CNTNAP5: variants seen among roughly 807,000 people sequenced by gnomAD.
CNTNAP5 encodes contactin associated protein family member 5.
CNTNAP5 carries 72 observed loss-of-function variants against 150.2 expected under a neutral mutation model. That is an observed-to-expected ratio of 0.48 (90% CI 0.40 to 0.58). The LOEUF (loss-of-function observed/expected upper bound fraction) is 0.58. CNTNAP5 is among the 20% of genes least tolerant of loss of function. The pLI, the probability that CNTNAP5 is intolerant of heterozygous loss-of-function variation, is 0.00. For missense variants in CNTNAP5, 1,636 were observed against 1,626.2 expected, an observed-to-expected ratio of 1.01 and a Z score of -0.10; for synonymous variants, 672 against 619.8, an observed-to-expected ratio of 1.08 and a Z score of -1.25.
At chr2:124,131,139 T>C (rs78169197) in intron 1 of CNTNAP5, among the ~76,000 whole-genome samples, 12,910 of 152,270 alleles carry the variant, frequency 0.085, 733 homozygotes, top group Non-Finnish European at 0.13. Context: ...ACTTGGGTTA[T>C]TGTACTGACC....
chr2:124,791,095 CT>C (rs1186035710), intron 18 of CNTNAP5, among the ~76,000 whole-genome samples: 1 of 152,124 alleles, frequency 6.6e-6, no homozygotes, highest in African/African-American at 2.4e-5. Context: ...ATAAATAATT[CT>C]TCTCAATTCA....
chr2:124,912,702 A>T (rs1327415591), intron 23 of CNTNAP5, among the ~76,000 whole-genome samples: 1 of 152,094 alleles, frequency 6.6e-6, no homozygotes, highest in Non-Finnish European at 1.5e-5. Flanking sequence ...GGAAAAAGAA[A>T]GACTTTTGTG....
chr2:124,811,867 G>A (rs544688942), intron 19 of CNTNAP5, among the ~76,000 whole-genome samples: 7 of 145,558 alleles, frequency 4.8e-5, no homozygotes, highest in East Asian at 4.0e-4. Context: ...GCTTGAACCC[G>A]GGAGGCAGAG....
intron 14 of CNTNAP5, among the ~76,000 whole-genome samples, chr2:124,749,662 C>T (rs1478301739): frequency 6.6e-6 from 1 of 152,164 alleles, no homozygotes; most frequent in Non-Finnish European, 1.5e-5. Flanking sequence ...GATTCTCCTG[C>T]CTCGACCTCC....
At chr2:124,171,409 A>ACCACAAAC (rs1684928572) in intron 1 of CNTNAP5, among the ~76,000 whole-genome samples, 1 of 152,164 alleles carries the variant, frequency 6.6e-6, no homozygotes, top group Admixed American at 6.5e-5. Context: ...AACCCTCAGC[A>ACCACAAAC]CGTTGCTAAT....
At chr2:124,073,959 A>T (rs1242012996) in intron 1 of CNTNAP5, among the ~76,000 whole-genome samples, 1 of 152,118 alleles carries the variant, frequency 6.6e-6, no homozygotes, top group Non-Finnish European at 1.5e-5. Context: ...ACAGATGAAT[A>T]GATGAAGAAA....
intron 3 of CNTNAP5, among the ~76,000 whole-genome samples, chr2:124,365,794 T>C (rs1350475076): frequency 1.3e-5 from 2 of 152,240 alleles, no homozygotes; most frequent in Admixed American, 6.5e-5. Flanking sequence ...ACCCGTTTCA[T>C]AACAGTATGT....
intron 3 of CNTNAP5, among the ~76,000 whole-genome samples, chr2:124,295,128 CCAAACAAA>C (rs57566535): frequency 4.9e-4 from 74 of 150,602 alleles, no homozygotes; most frequent in African/African-American, 1.6e-3. Flanking sequence ...ACAACCACCA[CCAAACAAA>C]CAAACAAACA....
intron 1 of CNTNAP5, among the ~76,000 whole-genome samples, chr2:124,202,566 C>T (rs1367582728): frequency 6.6e-6 from 1 of 152,152 alleles, no homozygotes; most frequent in Non-Finnish European, 1.5e-5. Context: ...CGTTTTTATA[C>T]TGCTATGAAG....
chr2:124,137,901 GA>G (rs1483642025), intron 1 of CNTNAP5, among the ~76,000 whole-genome samples: 1 of 152,102 alleles, frequency 6.6e-6, no homozygotes, highest in Non-Finnish European at 1.5e-5. Context: ...AAATTCAGAA[GA>G]AAAGCCAAGG....
chr2:124,383,445 G>A (rs963998634), intron 3 of CNTNAP5, among the ~76,000 whole-genome samples: 8 of 152,096 alleles, frequency 5.3e-5, no homozygotes, highest in Non-Finnish European at 1.0e-4. Flanking sequence ...AACCTTTCCT[G>A]TTAACCGCAG....
intron 19 of CNTNAP5, among the ~76,000 whole-genome samples, chr2:124,860,077 T>G (rs564824596): frequency 6.6e-6 from 1 of 151,356 alleles, no homozygotes; most frequent in South Asian, 2.1e-4. Context: ...ATAGGCCTGG[T>G]GTGGTGACTC....
chr2:124,343,582 A>T (rs527633530), intron 3 of CNTNAP5, among the ~76,000 whole-genome samples: 1 of 152,202 alleles, frequency 6.6e-6, no homozygotes, highest in African/African-American at 2.4e-5. Context: ...AGTGACAATA[A>T]AAAGATTTCA....
intron 14 of CNTNAP5, among the ~76,000 whole-genome samples, chr2:124,761,666 T>G (rs778192262): frequency 6.6e-6 from 1 of 152,106 alleles, no homozygotes; most frequent in Non-Finnish European, 1.5e-5. Flanking sequence ...TTCGCATGCT[T>G]TTTGACTTGC....
At position 124,772,814 on chromosome 2, in the gene CNTNAP5, C is replaced by A. The variant is rs759172003; in HGVS notation, c.2549C>A (p.Thr850Asn). ...RLEISSPSEITFAIDVGNGPV... is the reference protein window; with the variant it reads ...RLEISSPSEINFAIDVGNGPV... ...CCGGTTTCAGCTCCTTCAGAGATCA[C>A]CTTTGCCATCGATGTTGGGAATGGT... Residue 850 changes from threonine to asparagine, a missense_variant, in exon 17 of 24, where the codon ACC becomes AAC. By Grantham distance (65) the Thr-to-Asn change is moderately conservative (BLOSUM62 0). Transcript: ENST00000682447. 3 of 1,613,666 alleles carry A rather than the reference C, an allele frequency of 1.9e-6. No homozygotes were observed. The highest frequency in any genetic ancestry group is 2.2e-5 in the East Asian group (1 of 44,858).
chr2:124,682,777 G>A (rs1023709841), intron 13 of CNTNAP5, among the ~76,000 whole-genome samples: 3 of 152,156 alleles, frequency 2.0e-5, no homozygotes, highest in Non-Finnish European at 4.4e-5. Flanking sequence ...GGTAGTGAAT[G>A]TGTAGTTTTG....
At chr2:124,555,514 A>G (rs1474965610) in intron 10 of CNTNAP5, among the ~76,000 whole-genome samples, 1 of 152,246 alleles carries the variant, frequency 6.6e-6, no homozygotes, top group East Asian at 1.9e-4. Context: ...CTTAATACAC[A>G]TTGATGAACT....
intron 11 of CNTNAP5, among the ~76,000 whole-genome samples, chr2:124,569,876 G>GC (rs1696113124): frequency 6.6e-6 from 1 of 152,176 alleles, no homozygotes; most frequent in Non-Finnish European, 1.5e-5. Context: ...GACAACACTT[G>GC]CTTTAACAGT....
At position 124,920,552 on chromosome 2, in the gene CNTNAP5, A is replaced by C. The variant is rs1678852444; in HGVS notation, c.*6264A>C. 6.6e-6 allele frequency among the ~76,000 whole-genome samples: 1 copy of C among 152,164 alleles called. No individual in the cohort carries two copies. Among genetic ancestry groups the C allele is most frequent in the Non-Finnish European group, 1.5e-5 (1 of 68,016 alleles). The stretch of plus-strand genomic sequence containing the variant: ...TTACATTGAGAAAGAGACTGCCTTT[A>C]GTGAGGACAAAGACCAAGAATTTTC... On this transcript the variant is annotated 3_prime_UTR_variant, in exon 24 of 24. Coordinates refer to ENST00000682447, the MANE Select transcript of CNTNAP5 (RefSeq NM_001367498.1).
Sources: gnomAD v4.1 joint callset for allele counts (sites outside exome capture counted in the v4.1 genomes callset) on GRCh38, gnomAD v4.1.1 for gene constraint, MANE v1.5 for transcripts, NCBI Gene and HGNC (gene_info 2026-07-23, HGNC 2026-07-21) for gene names.